Variants in DNAH17 observed in about 807,000 individuals in gnomAD.
DNAH17 encodes the protein dynein axonemal heavy chain 17, also known as axonemal beta dynein heavy chain 17.
Under a neutral mutation model 485.6 loss-of-function variants are expected in DNAH17, and 376 were observed. The observed-to-expected ratio is 0.77, with a 90% CI of 0.71 to 0.84. The LOEUF (loss-of-function observed/expected upper bound fraction) is 0.84. Ranked by LOEUF, DNAH17 falls within the 40% of genes least tolerant of loss-of-function variation. The pLI, the probability that DNAH17 is intolerant of heterozygous loss-of-function variation, is 0.00. For missense variants in DNAH17, 6,370 were observed against 5,839.3 expected (o/e 1.09, Z -2.96); for synonymous variants, 3,031 against 2,405.9 (o/e 1.26, Z -7.60).
At chr17:78,547,939 TATG>T (rs1344281544) in intron 16 of DNAH17, among the ~76,000 whole-genome samples, 4 of 152,256 alleles carry the variant, frequency 2.6e-5, no homozygotes, top group Admixed American at 2.6e-4. Context: ...TAGTAACAAC[TATG>T]ATTTTTATGT....
chr17:78,485,143 G>A (rs945717316), intron 47 of DNAH17, 110 bp from the exon 48 acceptor site: 10 of 1,384,472 alleles, frequency 7.2e-6, no homozygotes, highest in Admixed American at 2.8e-5. Context: ...GGACCTGGCT[G>A]GGATCCAAGT....
In DNAH17 at chr17:78,499,108, C is replaced by T. The variant is rs367635035; in HGVS notation, c.5645G>A (p.Cys1882Tyr). 3 of 1,595,016 alleles carry T rather than the reference C, an allele frequency of 1.9e-6. No individual in the cohort carries two copies. Among genetic ancestry groups the T allele is most frequent in the Non-Finnish European group, 2.6e-6 (3 of 1,171,244 alleles). ...GGCCAGGCCCTTGTAGATATTTCCA[C>T]AGGACTGGAAAGGGCGAGATGGAGA... is the stretch of plus-strand genomic sequence containing the variant. ...NCSEQMDYKS[C>Y]GNIYKGLAQT... The change falls in exon 37 of 81, where the codon TGT becomes TAT. Residue 1882 changes from cysteine (C) to tyrosine (Y), a missense_variant. Transcript: ENST00000389840.
chr17:78,441,726 C>T (rs1478516033), intron 71 of DNAH17, among the ~76,000 whole-genome samples: 3 of 152,100 alleles, frequency 2.0e-5, no homozygotes, highest in Non-Finnish European at 2.9e-5. Context: ...AGGTGTTGGC[C>T]TTTCTTCTGT....
chr17:78,522,062 G>C (rs116009393), intron 25 of DNAH17, among the ~76,000 whole-genome samples: 1,906 of 152,254 alleles, frequency 0.013, 38 homozygotes, highest in African/African-American at 0.044. Flanking sequence ...TACAGACTAG[G>C]AGAAATTACT....
At chr17:78,525,767 A>C (rs1053860718) in intron 24 of DNAH17, among the ~76,000 whole-genome samples, 3 of 152,212 alleles carry the variant, frequency 2.0e-5, no homozygotes, top group African/African-American at 7.2e-5. Flanking sequence ...CCTCACCCCA[A>C]ATCTTTCCAG....
At position 78,431,808 on chromosome 17, in the gene DNAH17, G is replaced by A. The variant is rs531143221; in HGVS notation, c.12225+2221C>T. Among the ~76,000 whole-genome samples the A allele has an allele frequency of 2.2e-4, 33 of 152,230 alleles. No individual in the cohort carries two copies. The South Asian group carries it at 2.3e-3, about 11-fold the overall frequency. On this transcript the variant is annotated intron_variant, in intron 75 of 80. Transcript: ENST00000389840. ...GCAGCCGCTGATGTACATGGTACTC[G>A]CGCGGCTTCTCAGCAGCTTAGAAGC...
Position 78,451,398 on chromosome 17 carries a change from C to G in DNAH17, c.10734+71G>C, listed in dbSNP as rs1344250215. The G allele has an allele frequency of 6.2e-6, 9 of 1,448,358 alleles. No individual in the cohort carries two copies. In the African/African-American group the frequency reaches 1.0e-4, roughly 16 times the overall value. The allele number at this position is 1,448,358 out of a possible 1,614,324, so 89.7% of individuals were successfully genotyped here. A position where few individuals can be genotyped will look rare whatever the true frequency, so the allele number is the denominator to read the frequency against. On this transcript the variant is annotated intron_variant, in intron 66 of 80. Coordinates refer to ENST00000389840, the MANE Select transcript of DNAH17 (RefSeq NM_173628.4). ...TGGACTGGCAGCCCTGGTCGGGGAC[C>G]CTCACAGTGACCTGGCCCCCTCTGT... is the stretch of plus-strand genomic sequence containing the variant.
rs556022340 is a variant in DNAH17, at chr17:78,466,472, A to G, written c.8940+183T>C. 3.9e-5 allele frequency among the ~76,000 whole-genome samples: 6 copies of G among 152,268 alleles called. No individual in the cohort carries two copies. In the East Asian group the frequency reaches 1.2e-3, roughly 29 times the overall value. The stretch of plus-strand genomic sequence containing the variant: ...AAATTAAAAAAAAATAAAAAATAAA[A>G]AATAAAACCTCACTTATCTTGATGC... On this transcript the variant is annotated intron_variant, in intron 56 of 80. Transcript: ENST00000389840.
chr17:78,429,099 C>T (rs764184739), intron 76 of DNAH17, 22 bp downstream of exon 76: 4 of 1,607,932 alleles, frequency 2.5e-6, no homozygotes, highest in South Asian at 1.1e-5. Context: ...CGTTGAGCTC[C>T]TGTTTAACTT....
intron 71 of DNAH17, among the ~76,000 whole-genome samples, chr17:78,441,581 T>G (rs1483281704): frequency 4.0e-5 from 6 of 151,896 alleles, no homozygotes; most frequent in Admixed American, 3.3e-4. Context: ...AAAAGCAACT[T>G]CAGATGATAT....
chr17:78,550,114 TGTGGGGAGGC>T (rs1193107071), intron 16 of DNAH17, among the ~76,000 whole-genome samples: 1 of 151,256 alleles, frequency 6.6e-6, no homozygotes. Context: ...GACAGGGAGG[TGTGGGGAGGC>T]GTGGGGAGGA....
rs1367102066 is a variant in DNAH17, at chr17:78,514,522, AG to A, written c.4113+251del. 2.7e-5 allele frequency among the ~76,000 whole-genome samples: 4 copies of A among 149,036 alleles called. No individual in the cohort carries two copies. The East Asian group carries it at 6.0e-4, about 22-fold the overall frequency. On this transcript the variant is annotated intron_variant, in intron 26 of 80. Transcript: ENST00000389840. ...CCGTCTCAAAAAAAAAAAAAAAAAA[AG>A]AAAAAGAAAATTACTAAGAATTTTG...
Position 78,537,373 on chromosome 17 carries a change from C to T in DNAH17, c.2785G>A (p.Glu929Lys), listed in dbSNP as rs763137392. The T allele has an allele frequency of 1.7e-5, 27 of 1,611,530 alleles. No homozygotes were observed. The highest frequency in any genetic ancestry group is 2.7e-5 in the African/African-American group (2 of 74,854). Reference protein sequence around the residue: ...GSDRGFLALIEGLVNDIYNVA... With the variant: ...GSDRGFLALIKGLVNDIYNVA... The stretch of plus-strand genomic sequence containing the variant: ...TTGTAGATGTCGTTGACCAGGCCCT[C>T]GATCAGTGCCAGGAAGCCGCGATCT... The change falls in exon 19 of 81, where the codon GAG (glutamate) becomes AAG (lysine). Residue 929 changes from glutamate to lysine, a missense_variant. Transcript: ENST00000389840.
rs374831123 is a variant in DNAH17, at chr17:78,432,683, C to T, written c.12225+1346G>A. 5.3e-5 allele frequency among the ~76,000 whole-genome samples: 8 copies of T among 152,312 alleles called. No individual in the cohort carries two copies. The South Asian group carries it at 1.2e-3, about 24-fold the overall frequency. On this transcript the variant is annotated intron_variant, in intron 75 of 80. Coordinates refer to ENST00000389840, the MANE Select transcript of DNAH17 (RefSeq NM_173628.4). ...CTTCTCAGGACACCCAATGGGAGCA[C>T]GTGTGCCGTGCATGCCTGGGGCTTA...
intron 16 of DNAH17, 94 bp from the exon 17 acceptor site, chr17:78,544,091 A>G: frequency 6.4e-7 from 1 of 1,551,818 alleles, no homozygotes; most frequent in South Asian, 1.2e-5. Context: ...GAGTTTCGTC[A>G]CTGCTGCCTG....
rs763217730 is a variant in DNAH17, at chr17:78,428,663, G to A, written c.12450C>T (p.Pro4150=). 77 of 1,613,858 alleles carry A rather than the reference G, an allele frequency of 4.8e-5. No homozygotes were observed. The highest frequency in any genetic ancestry group is 6.3e-5 in the Non-Finnish European group (74 of 1,179,910). ...YIDENLPPES[P]YLYGLHPNAE... is the part of the protein sequence containing the mutation. ...CGTTGGGGTGCAGGCCATACAGATA[G>A]GGACTCTCAGGGGGCAGGTTCTCAT... The change falls in exon 77 of 81, where the codon CCC becomes CCT. Residue 4150 remains proline (P), a synonymous_variant. Coordinates refer to ENST00000389840, the MANE Select transcript of DNAH17 (RefSeq NM_173628.4).
intron 72 of DNAH17, 127 bp from the exon 73 acceptor site, chr17:78,439,344 A>G: frequency 8.8e-7 from 1 of 1,142,174 alleles, no homozygotes; most frequent in Non-Finnish European, 1.2e-6. Flanking sequence ...TACACATGAC[A>G]TAAAACTTGC....
intron 27 of DNAH17, among the ~76,000 whole-genome samples, 172 bp downstream of exon 27, chr17:78,510,212 T>C (rs1242305910): frequency 3.9e-5 from 6 of 151,940 alleles, no homozygotes; most frequent in South Asian, 4.1e-4. Flanking sequence ...AACAAACAAA[T>C]AGATTCCAGA....
intron 71 of DNAH17, among the ~76,000 whole-genome samples, chr17:78,444,257 C>T (rs879767374): frequency 5.9e-5 from 9 of 152,150 alleles, no homozygotes; most frequent in East Asian, 1.9e-4. Flanking sequence ...GTAGGAGGCT[C>T]ATGTGGGGAG....
Sources: gnomAD v4.1 joint callset for allele counts (sites outside exome capture counted in the v4.1 genomes callset) on GRCh38, gnomAD v4.1.1 for gene constraint, MANE v1.5 for transcripts, NCBI Gene and HGNC (gene_info 2026-07-23, HGNC 2026-07-21) for gene names.